MCTP2: variants seen among roughly 807,000 people sequenced by gnomAD.
MCTP2 encodes the protein multiple C2 and transmembrane domain containing 2.
MCTP2 carries 132 observed loss-of-function variants against 111.6 expected under a neutral mutation model. The ratio of observed to expected loss-of-function variants is 1.18; its 90% CI spans 1.03 to 1.37. The LOEUF (loss-of-function observed/expected upper bound fraction) is 1.37. Ranked by LOEUF, MCTP2 falls within the 40% of genes most tolerant of loss-of-function variation. MCTP2 has a pLI of 0.00. For synonymous variants in MCTP2, 395 were observed against 387.7 expected (o/e 1.02, Z -0.22); for missense variants, 1,183 against 1,067.9 (o/e 1.11, Z -1.50).
At chr15:94,328,907 G>A (rs2077012726) in intron 4 of MCTP2, among the ~76,000 whole-genome samples, 1 of 152,170 alleles carries the variant, frequency 6.6e-6, no homozygotes, top group Non-Finnish European at 1.5e-5. Context: ...CATATTGTGT[G>A]TGTGGAATCA....
chr15:94,419,466 G>GGGGC, intron 17 of MCTP2, among the ~76,000 whole-genome samples: 1 of 152,074 alleles, frequency 6.6e-6, no homozygotes, highest in Non-Finnish European at 1.5e-5. Flanking sequence ...AGGAAAGGGA[G>GGGGC]AGTCAGGGCA....
intron 10 of MCTP2, among the ~76,000 whole-genome samples, chr15:94,360,984 T>C (rs2078901064): frequency 1.3e-5 from 2 of 150,484 alleles, no homozygotes; most frequent in South Asian, 2.1e-4. Flanking sequence ...TACGGTAAAA[T>C]ATCGACTGCT....
At chr15:94,336,559 G>A (rs913955493) in intron 4 of MCTP2, among the ~76,000 whole-genome samples, 2 of 152,068 alleles carry the variant, frequency 1.3e-5, no homozygotes, top group Admixed American at 6.6e-5. Context: ...AGGCAGACAT[G>A]ATGACCCGTA....
chr15:94,456,833 TTGTC>T (rs2084866695), intron 19 of MCTP2, among the ~76,000 whole-genome samples: 1 of 152,140 alleles, frequency 6.6e-6, no homozygotes, highest in Non-Finnish European at 1.5e-5. Flanking sequence ...TGTTCTTCCT[TTGTC>T]TGTTTCAGCC....
chr15:94,458,343 A>AAAT, intron 20 of MCTP2, 97 bp downstream of exon 20: 1 of 752,312 alleles, frequency 1.3e-6, no homozygotes. Context: ...GGAGGCAAGA[A>AAAT]AATACAAAAA....
chr15:94,327,244 T>C (rs1186281679), intron 4 of MCTP2, among the ~76,000 whole-genome samples: 1 of 152,236 alleles, frequency 6.6e-6, no homozygotes, highest in African/African-American at 2.4e-5. Context: ...CTTTGATCTC[T>C]GTCAAGTTTA....
chr15:94,467,467 T>C (rs2073473016), intron 20 of MCTP2, among the ~76,000 whole-genome samples: 1 of 152,130 alleles, frequency 6.6e-6, no homozygotes, highest in African/African-American at 2.4e-5. Context: ...TTATTTTATA[T>C]ATGTACATTA....
At chr15:94,420,677 A>G (rs2082584160) in intron 17 of MCTP2, among the ~76,000 whole-genome samples, 2 of 152,220 alleles carry the variant, frequency 1.3e-5, no homozygotes, top group Non-Finnish European at 2.9e-5. Flanking sequence ...TAATCTCATG[A>G]TGAAACTTGA....
At chr15:94,407,775 GCACA>G (rs57851445) in intron 17 of MCTP2, among the ~76,000 whole-genome samples, 28,217 of 147,452 alleles carry the variant, frequency 0.19, 2,674 homozygotes, top group South Asian at 0.24. Flanking sequence ...ATGTACTTGT[GCACA>G]CACACACACA....
chr15:94,243,966 CACAT>C (rs1382682067), intron 1 of MCTP2, among the ~76,000 whole-genome samples: 52 of 146,120 alleles, frequency 3.6e-4, no homozygotes, highest in African/African-American at 1.3e-3. Context: ...TATTTACACA[CACAT>C]ATGTATACAC....
intron 20 of MCTP2, among the ~76,000 whole-genome samples, chr15:94,463,017 G>A (rs1449471683): frequency 6.6e-6 from 1 of 152,180 alleles, no homozygotes; most frequent in Non-Finnish European, 1.5e-5. Context: ...GTGGGTCGCT[G>A]AGGGGAAAAT....
chr15:94,291,213 A>G (rs1254521083), intron 1 of MCTP2, among the ~76,000 whole-genome samples: 4 of 152,250 alleles, frequency 2.6e-5, no homozygotes, highest in Non-Finnish European at 5.9e-5. Flanking sequence ...AAATTAATAA[A>G]AAGATAGATA....
intron 20 of MCTP2, among the ~76,000 whole-genome samples, chr15:94,465,807 A>T (rs893504745): frequency 1.5e-5 from 2 of 129,950 alleles, no homozygotes; most frequent in Non-Finnish European, 3.4e-5. Flanking sequence ...ACTTGCTAGG[A>T]ATTGAAACAC....
At chr15:94,347,828 G>T (rs1991894) in intron 8 of MCTP2, among the ~76,000 whole-genome samples, 24,043 of 151,870 alleles carry the variant, frequency 0.16, 2,167 homozygotes, top group African/African-American at 0.17. Context: ...GATAAAAAAT[G>T]GCTTTGACAA....
At chr15:94,476,963 C>T (rs2074414927) in intron 22 of MCTP2, among the ~76,000 whole-genome samples, 170 bp downstream of exon 22, 1 of 152,148 alleles carries the variant, frequency 6.6e-6, no homozygotes, top group Admixed American at 6.5e-5. Flanking sequence ...TTGTCCAAAG[C>T]ATGAGGTGAT....
intron 17 of MCTP2, among the ~76,000 whole-genome samples, chr15:94,439,761 T>C (rs889848325): frequency 5.9e-5 from 9 of 152,232 alleles, no homozygotes; most frequent in Admixed American, 5.9e-4. Context: ...AAATCCAAAG[T>C]CTTTCTCTGA....
intron 1 of MCTP2, among the ~76,000 whole-genome samples, chr15:94,282,695 TG>T (rs2074548989): frequency 6.6e-6 from 1 of 152,244 alleles, no homozygotes; most frequent in Admixed American, 6.5e-5. Flanking sequence ...TTTAAGTCAC[TG>T]TCTTTTTGAT....
At chr15:94,368,427 A>G (rs927269241) in intron 11 of MCTP2, among the ~76,000 whole-genome samples, 1 of 152,028 alleles carries the variant, frequency 6.6e-6, no homozygotes, top group African/African-American at 2.4e-5. Flanking sequence ...CTTTTATCCT[A>G]TCTTCTGTAT....
At chr15:94,471,082 C>T (rs2073888091) in intron 21 of MCTP2, among the ~76,000 whole-genome samples, 1 of 152,172 alleles carries the variant, frequency 6.6e-6, no homozygotes, top group Non-Finnish European at 1.5e-5. Flanking sequence ...ATTTAATACT[C>T]AAACTAGCGG....
Sources: allele counts gnomAD v4.1 joint callset (sites outside exome capture counted in the v4.1 genomes callset), GRCh38; gene constraint gnomAD v4.1.1; transcripts MANE v1.5; gene names NCBI Gene and HGNC (gene_info 2026-07-23, HGNC 2026-07-21).